MAP3K19: variants seen among roughly 807,000 people sequenced by gnomAD.
MAP3K19 encodes the protein SPS1/STE20-related protein kinase YSK4.
MAP3K19 carries 91 observed loss-of-function variants against 114.4 expected under a neutral mutation model. The observed-to-expected ratio is 0.80, with a 90% CI of 0.67 to 0.95. The LOEUF is 0.95. MAP3K19 is among the 40% of genes least tolerant of loss of function. The probability of loss-of-function intolerance (pLI) is 0.00; values close to 1 mark genes in which losing one functional copy is unlikely to be tolerated. For missense variants in MAP3K19, 1,471 were observed against 1,573.2 expected, an observed-to-expected ratio of 0.94 and a Z score of 1.10; for synonymous variants, 518 against 530.5, an observed-to-expected ratio of 0.98 and a Z score of 0.32.
intron 6 of MAP3K19, among the ~76,000 whole-genome samples, chr2:135,003,503 A>G (rs1686595253): frequency 6.6e-6 from 1 of 151,602 alleles, no homozygotes; most frequent in Admixed American, 6.6e-5. Context: ...CTCAATTTCT[A>G]GTCTATAAGA....
At position 135,011,429 on chromosome 2, in the gene MAP3K19, C is replaced by G. The variant is rs545177920; in HGVS notation, c.139-5898G>C. ...GCGGGCCCCTGCAGTCCCAGCTACTCGGGAAGCTGAGGCAGGAGAATGGCG... is the reference window on the plus strand; with the variant it reads ...GCGGGCCCCTGCAGTCCCAGCTACTGGGGAAGCTGAGGCAGGAGAATGGCG... On this transcript the variant is annotated intron_variant, in intron 5 of 12. Coordinates refer to ENST00000392915, the MANE Select transcript of MAP3K19 (RefSeq NM_025052.5). Among the ~76,000 whole-genome samples, 656 of 150,312 alleles carry G rather than the reference C, an allele frequency of 4.4e-3. 2 individuals are homozygous for G. The highest frequency in any genetic ancestry group is 5.6e-3 in the Admixed American group (83 of 14,944).
rs1476645320 is a variant in MAP3K19 at position 134,986,361 on chromosome 2, C to T, written c.2511G>A (p.Leu837=). Residue 837 remains leucine (L), a synonymous_variant, in exon 10 of 13, where the codon CTG becomes CTA. Coordinates refer to ENST00000392915, the MANE Select transcript of MAP3K19 (RefSeq NM_025052.5). ...NQILTTSLRD[L]QELEELHHQI... Reference sequence around the variant, plus strand: ...GGTGATGTAGCTCTTCAAGTTCTTGCAGATCTCTGAGGCTTGTGGTGAGTA... The same window carrying T: ...GGTGATGTAGCTCTTCAAGTTCTTGTAGATCTCTGAGGCTTGTGGTGAGTA... 6.2e-7 allele frequency: 1 copy of T among 1,613,618 alleles called. No individual in the cohort carries two copies. Among genetic ancestry groups the T allele is most frequent in the East Asian group, 2.2e-5 (1 of 44,872 alleles).
intron 6 of MAP3K19, among the ~76,000 whole-genome samples, chr2:135,003,609 C>T (rs928152909): frequency 6.6e-6 from 1 of 152,168 alleles, no homozygotes; most frequent in Non-Finnish European, 1.5e-5. Flanking sequence ...GGTTGGAGTG[C>T]AATGGTACAA....
intron 5 of MAP3K19, among the ~76,000 whole-genome samples, chr2:135,008,893 C>T (rs1687019083): frequency 6.6e-6 from 1 of 152,134 alleles, no homozygotes; most frequent in South Asian, 2.1e-4. Context: ...ATCCTCCCAC[C>T]TCAGCCTCCT....
chr2:134,997,205 T>C (rs956717299), intron 8 of MAP3K19, among the ~76,000 whole-genome samples: 3 of 152,226 alleles, frequency 2.0e-5, no homozygotes, highest in Non-Finnish European at 4.4e-5. Flanking sequence ...AAACACTGCT[T>C]CACCATTATG....
intron 12 of MAP3K19, among the ~76,000 whole-genome samples, chr2:134,980,003 G>C (rs1232973158): frequency 6.6e-6 from 1 of 152,162 alleles, no homozygotes; most frequent in Non-Finnish European, 1.5e-5. Context: ...GGATAAGAAG[G>C]CAAACTTACT....
intron 5 of MAP3K19, among the ~76,000 whole-genome samples, chr2:135,011,776 G>C (rs961566822): frequency 1.3e-5 from 2 of 151,978 alleles, no homozygotes; most frequent in African/African-American, 4.8e-5. Flanking sequence ...TTGAACTCCT[G>C]GGCTTGAATG....
chr2:135,025,060 T>C (rs910501189), intron 3 of MAP3K19, among the ~76,000 whole-genome samples: 1 of 152,076 alleles, frequency 6.6e-6, no homozygotes, highest in Non-Finnish European at 1.5e-5. Flanking sequence ...AAAAACATCT[T>C]TTGTTGTTTT....
intron 1 of MAP3K19, among the ~76,000 whole-genome samples, chr2:135,046,212 A>G (rs978810032): frequency 6.6e-6 from 1 of 151,954 alleles, no homozygotes; most frequent in Non-Finnish European, 1.5e-5. Context: ...CAATCTGTAC[A>G]TGTCCATTTT....
chr2:134,968,120 A>C (rs1329359954), intron 12 of MAP3K19, among the ~76,000 whole-genome samples: 1 of 152,074 alleles, frequency 6.6e-6, no homozygotes, highest in Admixed American at 6.6e-5. Flanking sequence ...CACCGCCCCT[A>C]ATCCATTTAA....
chr2:134,982,282 C>A (rs1206132351), intron 11 of MAP3K19, among the ~76,000 whole-genome samples: 1 of 149,554 alleles, frequency 6.7e-6, no homozygotes, highest in African/African-American at 2.5e-5. Context: ...CCACACTAGG[C>A]TAATTTTTAA....
Position 134,999,115 on chromosome 2 carries a change from G to A in MAP3K19, c.315-118C>T. 8.3e-7 allele frequency: 1 copy of A among 1,198,336 alleles called. No homozygotes were observed. The highest frequency in any genetic ancestry group is 1.2e-6 in the Non-Finnish European group (1 of 854,984). 74.2% of individuals were successfully genotyped at this position (1,198,336 alleles called of 1,614,324 possible). ...TGAAGAACTACTTCCAAATGGTGCT[G>A]CTGAAAGGAAAGGCTGAATCCTGAG... On this transcript the variant is annotated intron_variant, in intron 7 of 12. Coordinates refer to ENST00000392915, the MANE Select transcript of MAP3K19 (RefSeq NM_025052.5). This position sits in a 1 kb window ranked among gnomAD's most constrained non-coding sequence, Gnocchi z 4.1.
chr2:134,998,019 G>A (rs1478077793), intron 8 of MAP3K19, among the ~76,000 whole-genome samples: 4 of 152,086 alleles, frequency 2.6e-5, no homozygotes, highest in Non-Finnish European at 5.9e-5. Flanking sequence ...GGTTTTGGCT[G>A]GTTGGTTGAG....
intron 5 of MAP3K19, among the ~76,000 whole-genome samples, chr2:135,014,129 G>A (rs1188947349): frequency 6.6e-6 from 1 of 152,168 alleles, no homozygotes; most frequent in African/African-American, 2.4e-5. Context: ...GAGGTGGGCA[G>A]ATCACTTCAG....
chr2:135,005,368 G>C, intron 6 of MAP3K19, 67 bp downstream of exon 6: 1 of 1,196,628 alleles, frequency 8.4e-7, no homozygotes, highest in Non-Finnish European at 1.2e-6. Context: ...AAGCCCTTCT[G>C]AAATTGGAGA....
At position 134,987,253 on chromosome 2, in the gene MAP3K19, G is replaced by A. The variant is rs748308749; in HGVS notation, c.1619C>T (p.Ser540Leu). 6 of 1,613,986 alleles carry A rather than the reference G, an allele frequency of 3.7e-6. No homozygotes were observed. The highest frequency in any genetic ancestry group is 5.1e-6 in the Non-Finnish European group (6 of 1,180,032). The change falls in exon 10 of 13, where the codon TCA becomes TTA. Residue 540 changes from serine to leucine, a missense_variant. By Grantham distance (145) the Ser-to-Leu change is moderately radical (BLOSUM62 -2). Transcript: ENST00000392915. ...TGTCTTCTTACTTGTCTTGGTCTTT[G>A]AATCCAACTTACTCCTATGGGAATT... ...KMNSHRSKLD[S>L]KTKTSKKTPQ...
At chr2:134,975,132 T>C (rs1234380281) in intron 12 of MAP3K19, among the ~76,000 whole-genome samples, 1 of 152,136 alleles carries the variant, frequency 6.6e-6, no homozygotes, top group African/African-American at 2.4e-5. Context: ...CTGGGTGACA[T>C]ACATGGGCAC....
At chr2:134,968,250 T>C (rs561469692) in intron 12 of MAP3K19, among the ~76,000 whole-genome samples, 19 of 152,150 alleles carry the variant, frequency 1.2e-4, no homozygotes, top group Non-Finnish European at 2.6e-4. Context: ...AAGTCTCCCA[T>C]GTATACTTCT....
chr2:134,965,721 C>A (rs543511074), intron 12 of MAP3K19, among the ~76,000 whole-genome samples: 1 of 152,220 alleles, frequency 6.6e-6, no homozygotes, highest in South Asian at 2.1e-4. Context: ...TTTGTCATTT[C>A]TATGTGTCAG....
Sources: allele counts gnomAD v4.1 joint callset (sites outside exome capture counted in the v4.1 genomes callset), GRCh38; gene constraint gnomAD v4.1.1; non-coding constraint Gnocchi (gnomAD v3.1); transcripts MANE v1.5; gene names NCBI Gene and HGNC (gene_info 2026-07-23, HGNC 2026-07-21).